Variants in HNF4G observed in about 807,000 individuals in gnomAD.
The protein encoded by HNF4G is hepatocyte nuclear factor 4-gamma.
In HNF4G, 21 loss-of-function variants were observed where a neutral mutation model predicts 50.9. That is an observed-to-expected ratio of 0.41 (90% CI 0.29 to 0.59). HNF4G has a LOEUF of 0.59. Ranked by LOEUF, HNF4G falls within the 20% of genes least tolerant of loss-of-function variation. HNF4G has a pLI of 0.26. For synonymous variants in HNF4G, 198 were observed against 185.6 expected (o/e 1.07, Z -0.54); for missense variants, 527 against 559.4 (o/e 0.94, Z 0.58).
chr8:75,461,642 C>T (rs139873566), intron 1 of HNF4G, among the ~76,000 whole-genome samples: 40 of 152,206 alleles, frequency 2.6e-4, no homozygotes, highest in African/African-American at 8.9e-4. Flanking sequence ...TGTGTGCATA[C>T]AGCAGTTCTC....
chr8:75,501,433 C>T (rs555813881), intron 2 of HNF4G, among the ~76,000 whole-genome samples: 5 of 152,190 alleles, frequency 3.3e-5, no homozygotes, highest in Admixed American at 6.5e-5. Flanking sequence ...ATAGTGAGAT[C>T]CTGTCTCAGA....
rs1371110321 is a variant in HNF4G at position 75,566,105 on chromosome 8, A to T, written c.*2009A>T. ...TGAAATACTATGAACTTGGCAGCTT[A>T]TAAACAACAGAAATTTATTTCTCGC... On this transcript the variant is annotated 3_prime_UTR_variant, in exon 10 of 10. Coordinates refer to ENST00000396423, the MANE Select transcript of HNF4G (RefSeq NM_004133.5). The T allele has an allele frequency of 6.6e-6, 1 of 152,176 alleles. No individual in the cohort carries two copies. Among genetic ancestry groups the T allele is most frequent in the South Asian group, 2.1e-4 (1 of 4,832 alleles). 9.4% of individuals were successfully genotyped at this position (152,176 alleles called of 1,614,324 possible).
At position 75,448,939 on chromosome 8, in the gene HNF4G, G is replaced by T. The variant is rs147728438; in HGVS notation, c.-144+40777G>T. ...TGCAAAGGACTTTGTGAATTAAGAA[G>T]AAAATTTCTCAAACCTCATTAAAAA... On this transcript the variant is annotated intron_variant, in intron 1 of 10. Transcript: ENST00000354370. Among the ~76,000 whole-genome samples, 64 of 152,176 alleles carry T rather than the reference G, an allele frequency of 4.2e-4. 1 individual carries two copies. Among genetic ancestry groups the T allele is most frequent in the African/African-American group, 1.4e-3 (59 of 41,542 alleles).
At chr8:75,426,780 A>C (rs1563501655) in intron 1 of HNF4G, among the ~76,000 whole-genome samples, 2 of 152,194 alleles carry the variant, frequency 1.3e-5, no homozygotes, top group African/African-American at 2.4e-5. Flanking sequence ...GCGAAGAGGT[A>C]ATGATTGGCT....
intron 2 of HNF4G, among the ~76,000 whole-genome samples, chr8:75,501,032 A>G (rs1381346998): frequency 6.6e-6 from 1 of 151,972 alleles, no homozygotes; most frequent in Non-Finnish European, 1.5e-5. Context: ...TTTATAGTTT[A>G]TCATATATAA....
At chr8:75,444,704 G>A (rs1244155295) in intron 1 of HNF4G, among the ~76,000 whole-genome samples, 5 of 106,274 alleles carry the variant, frequency 4.7e-5, no homozygotes, top group Non-Finnish European at 5.7e-5. Context: ...AATGATAAAG[G>A]GATCAATTCA....
intron 2 of HNF4G, among the ~76,000 whole-genome samples, chr8:75,496,247 G>A (rs1367717963): frequency 6.6e-6 from 1 of 151,996 alleles, no homozygotes; most frequent in South Asian, 2.1e-4. Flanking sequence ...AAGATAATTG[G>A]TTTTTAAAAA....
At chr8:75,538,529 A>T (rs1806529814), upstream of HNF4G, among the ~76,000 whole-genome samples, 1 of 152,154 alleles carries the variant, frequency 6.6e-6, no homozygotes, top group African/African-American at 2.4e-5. Context: ...TGCACAATTC[A>T]TCCCTTTGGT....
intron 1 of HNF4G, among the ~76,000 whole-genome samples, chr8:75,435,978 T>C (rs1262824875): frequency 6.6e-6 from 1 of 152,224 alleles, no homozygotes; most frequent in Non-Finnish European, 1.5e-5. Flanking sequence ...TTTTTTACTA[T>C]AAAATCCAAA....
At chr8:75,445,067 A>C (rs1397339392) in intron 1 of HNF4G, among the ~76,000 whole-genome samples, 1 of 149,728 alleles carries the variant, frequency 6.7e-6, no homozygotes, top group Non-Finnish European at 1.5e-5. Flanking sequence ...AACAGAAATT[A>C]TAACAAACTA....
chr8:75,527,174 T>C (rs1285849512), intron 2 of HNF4G: 1 of 152,206 alleles, frequency 6.6e-6, no homozygotes, highest in South Asian at 2.1e-4. Context: ...ATTGTTGAAC[T>C]ACTATCTAGG....
At chr8:75,458,760 AAGTTAAGAATAC>A (rs1161939081) in intron 1 of HNF4G, among the ~76,000 whole-genome samples, 1 of 152,178 alleles carries the variant, frequency 6.6e-6, no homozygotes, top group Non-Finnish European at 1.5e-5. Context: ...AACTGGGTCA[AAGTTAAGAATAC>A]AGTTTTCATC....
rs781550595 is a variant in HNF4G at position 75,565,992 on chromosome 8, CT to C, written c.*1900del. ...GTTTTGATTTTGATCATACAAATAA[CT>C]TTTGTAGATTTTTGTTTACTTTTGG... On this transcript the variant is annotated 3_prime_UTR_variant, in exon 10 of 10. Coordinates refer to ENST00000396423, the MANE Select transcript of HNF4G (RefSeq NM_004133.5). The C allele has an allele frequency of 1.3e-5, 2 of 151,422 alleles. No individual in the cohort carries two copies. Among genetic ancestry groups the C allele is most frequent in the African/African-American group, 2.4e-5 (1 of 41,010 alleles). 9.4% of individuals were successfully genotyped at this position (151,422 alleles called of 1,614,324 possible). A position where few individuals can be genotyped will look rare whatever the true frequency, so the allele number is the denominator to read the frequency against.
At chr8:75,536,618 G>A (rs890866373), upstream of HNF4G, among the ~76,000 whole-genome samples, 1 of 151,898 alleles carries the variant, frequency 6.6e-6, no homozygotes, top group Admixed American at 6.6e-5. Flanking sequence ...ACCGGTAACT[G>A]TTTCATGTAT....
chr8:75,558,893 G>A lies in HNF4G; in HGVS notation c.979G>A (p.Asp327Asn). 6.2e-7 allele frequency: 1 copy of A among 1,614,000 alleles called. No individual in the cohort carries two copies. The highest frequency in any genetic ancestry group is 8.5e-7 in the Non-Finnish European group (1 of 1,179,912). Residue 327 changes from aspartate (D) to asparagine (N), a missense_variant, in exon 8 of 10, where the codon GAC (aspartate) becomes AAC (asparagine). This residue lies in a region of HNF4G where 308 missense variants were observed against 301.5 expected (regional missense o/e 1.02). Coordinates refer to ENST00000396423, the MANE Select transcript of HNF4G (RefSeq NM_004133.5). ...GGACTACATCAATGATCGGCAGTAT[G>A]ACTCCCGGGGGAGGTTTGGAGAGTT... ...LEDYINDRQY[D>N]SRGRFGELLL...
At chr8:75,545,239 A>ATGTGTGTGTGTGTGTGTGTGTG (rs57486410) in intron 2 of HNF4G, among the ~76,000 whole-genome samples, 9 of 145,486 alleles carry the variant, frequency 6.2e-5, no homozygotes, top group African/African-American at 2.3e-4. Flanking sequence ...TTAAAATTGA[A>ATGTGTGTGTGTGTGTGTGTGTG]TGTGTGTGTG....
At chr8:75,408,238 G>A (rs2130450643) in intron 1 of HNF4G, 1 of 125,488 alleles carries the variant, frequency 8.0e-6, no homozygotes, top group East Asian at 2.1e-4. Flanking sequence ...AAGAAAGAGA[G>A]AAGGAGAGAG....
At chr8:75,461,911 T>C (rs1001094674) in intron 1 of HNF4G, among the ~76,000 whole-genome samples, 1 of 144,382 alleles carries the variant, frequency 6.9e-6, no homozygotes, top group African/African-American at 2.6e-5. Flanking sequence ...AATATAAATA[T>C]ATATATATAT....
intron 1 of HNF4G, among the ~76,000 whole-genome samples, chr8:75,450,473 A>C (rs1811558579): frequency 6.6e-6 from 1 of 152,206 alleles, no homozygotes; most frequent in Non-Finnish European, 1.5e-5. Flanking sequence ...TTGCTGGATC[A>C]TATGGTAGTT....
Sources: allele counts gnomAD v4.1 joint callset (sites outside exome capture counted in the v4.1 genomes callset), GRCh38; gene constraint gnomAD v4.1.1; regional missense constraint gnomAD v4.1.1; transcripts MANE v1.5; gene names NCBI Gene and HGNC (gene_info 2026-07-23, HGNC 2026-07-21).